The following CHL1 variants were observed in gnomAD, a reference collection of about 807,000 sequenced individuals.
CHL1 encodes cell adhesion molecule L1 like.
Under a neutral mutation model 141.9 loss-of-function variants are expected in CHL1, and 96 were observed. That is an observed-to-expected ratio of 0.68 (90% CI 0.57 to 0.80). CHL1 has a LOEUF of 0.80. Among genes scored for constraint, CHL1 ranks in the 30% least tolerant of loss-of-function variants. CHL1 has a pLI of 0.00. For synonymous variants in CHL1, 613 were observed against 502.2 expected (o/e 1.22, Z -2.95); for missense variants, 1,820 against 1,457.2 (o/e 1.25, Z -4.05).
intron 2 of CHL1, among the ~76,000 whole-genome samples, chr3:318,229 C>T (rs139574437): frequency 4.3e-4 from 66 of 151,894 alleles, no homozygotes; most frequent in Non-Finnish European, 8.1e-4. Flanking sequence ...TTTTACCAAT[C>T]GGTACATATA....
intron 2 of CHL1, among the ~76,000 whole-genome samples, chr3:286,617 A>AAG (rs1475452958): frequency 1.3e-5 from 2 of 151,758 alleles, no homozygotes; most frequent in Non-Finnish European, 2.9e-5. Context: ...TCTCAAAAAA[A>AAG]AAAAAAAAAA....
intron 26 of CHL1, 68 bp downstream of exon 26, chr3:399,216 A>T (rs1337625880): frequency 7.3e-7 from 1 of 1,373,844 alleles, no homozygotes; most frequent in Non-Finnish European, 1.0e-6. Context: ...TTCTTCAGAG[A>T]CAACTTTTTT....
At chr3:214,071 T>C (rs1700109218) in intron 1 of CHL1, among the ~76,000 whole-genome samples, 1 of 152,202 alleles carries the variant, frequency 6.6e-6, no homozygotes, top group Admixed American at 6.5e-5. Flanking sequence ...CTTAATCGCT[T>C]CACAGAAAGA....
intron 3 of CHL1, among the ~76,000 whole-genome samples, chr3:322,707 G>C (rs1430172492): frequency 2.1e-5 from 3 of 143,686 alleles, no homozygotes; most frequent in Non-Finnish European, 4.5e-5. Context: ...AGCTGGGTGT[G>C]GTGGCTTATA....
intron 2 of CHL1, among the ~76,000 whole-genome samples, chr3:267,915 T>C (rs565649734): frequency 3.7e-4 from 57 of 152,348 alleles, no homozygotes; most frequent in African/African-American, 1.3e-3. Context: ...TGCCTTGATA[T>C]CGTCATTTTT....
intron 2 of CHL1, among the ~76,000 whole-genome samples, chr3:310,066 GA>G (rs1175431951): frequency 6.6e-6 from 1 of 151,908 alleles, no homozygotes; most frequent in Admixed American, 6.6e-5. Flanking sequence ...ATATATATGT[GA>G]AAAAAATAAA....
chr3:372,384 C>T (rs966877400), intron 15 of CHL1, among the ~76,000 whole-genome samples: 1 of 152,084 alleles, frequency 6.6e-6, no homozygotes, highest in Non-Finnish European at 1.5e-5. Context: ...GTCCTTTCTT[C>T]CACTTGGTAG....
intron 5 of CHL1, among the ~76,000 whole-genome samples, chr3:329,775 A>C (rs1701296567): frequency 6.6e-6 from 1 of 152,030 alleles, no homozygotes; most frequent in African/African-American, 2.4e-5. Flanking sequence ...TATCCCAGAC[A>C]AATGCTTTCC....
At chr3:368,296 G>A (rs1475337021) in intron 15 of CHL1, among the ~76,000 whole-genome samples, 1 of 152,126 alleles carries the variant, frequency 6.6e-6, no homozygotes, top group Non-Finnish European at 1.5e-5. Context: ...CATTCTGACT[G>A]GCATGAGATG....
chr3:389,364 G>A lies in CHL1; in HGVS notation c.2360G>A (p.Arg787Gln), dbSNP rs754401983. ...EEETVTNHTL[R>Q]VMTPAVYAPY... is the part of the protein sequence containing the mutation. ...GAAACAGTCACAAACCACACATTGC[G>A]GGTGATGACGCCTGCTGTCTATGCC... Residue 787 changes from arginine to glutamine, a missense_variant, in exon 20 of 28, where the codon CGG (arginine) becomes CAG (glutamine). Coordinates refer to ENST00000256509, the MANE Select transcript of CHL1 (RefSeq NM_006614.4). The A allele has an allele frequency of 5.0e-6, 8 of 1,614,020 alleles. No homozygotes were observed. The highest frequency in any genetic ancestry group is 3.4e-6 in the Non-Finnish European group (4 of 1,180,022).
intron 2 of CHL1, among the ~76,000 whole-genome samples, chr3:307,225 T>C (rs1699316618): frequency 6.6e-6 from 1 of 152,192 alleles, no homozygotes; most frequent in Admixed American, 6.5e-5. Context: ...GCAAGGACAG[T>C]CTTAGGATGA....
chr3:307,606 G>C (rs1028101539), intron 2 of CHL1, among the ~76,000 whole-genome samples: 2 of 152,088 alleles, frequency 1.3e-5, no homozygotes, highest in African/African-American at 4.8e-5. Context: ...TTCACTCAAG[G>C]ATGCTTGTGT....
Position 341,914 on chromosome 3 carries a change from T to G in CHL1, c.511T>G (p.Leu171Val). Residue 171 changes from leucine (L) to valine (V), a missense_variant and splice_region_variant, in exon 7 of 28, where the codon TTA becomes GTA. Transcript: ENST00000256509. ...AATGGCAAGATATCTCTTTTCAGAA[T>G]TAGAACACATCGAACAAGATGAAAG... is the stretch of plus-strand genomic sequence containing the variant. Reference protein sequence around the residue: ...PLHIYWMNIELEHIEQDERVY... With the variant: ...PLHIYWMNIEVEHIEQDERVY... The G allele has an allele frequency of 6.2e-7, 1 of 1,600,702 alleles. No homozygotes were observed. Among genetic ancestry groups the G allele is most frequent in the Non-Finnish European group, 8.5e-7 (1 of 1,170,086 alleles).
chr3:355,712 C>T (rs1703653201), intron 11 of CHL1, among the ~76,000 whole-genome samples: 1 of 151,978 alleles, frequency 6.6e-6, no homozygotes, highest in African/African-American at 2.4e-5. Context: ...CTGAATCTCC[C>T]CAAGCTTACG....
intron 15 of CHL1, among the ~76,000 whole-genome samples, chr3:371,363 C>T (rs1171698886): frequency 6.6e-6 from 1 of 151,912 alleles, no homozygotes; most frequent in African/African-American, 2.4e-5. Flanking sequence ...TATGTAATGC[C>T]CTTCTTTGTC....
chr3:363,221 A>G lies in CHL1; in HGVS notation c.1423A>G (p.Lys475Glu). 1 of 1,608,102 alleles carries G rather than the reference A, an allele frequency of 6.2e-7. No individual in the cohort carries two copies. Among genetic ancestry groups the G allele is most frequent in the Non-Finnish European group, 8.5e-7 (1 of 1,178,056 alleles). The change falls in exon 14 of 28, where the codon AAG becomes GAG. Residue 475 changes from lysine (K) to glutamate (E), a missense_variant. Coordinates refer to ENST00000256509, the MANE Select transcript of CHL1 (RefSeq NM_006614.4). ...ASPEAVVSWQ[K>E]VEEVKPLEGR... is the part of the protein sequence containing the mutation. The stretch of plus-strand genomic sequence containing the variant: ...GTACGCTTTCTTTGTCCATAGGCAG[A>G]AGGTGGAAGAAGTGAAACCCCTGGA...
intron 19 of CHL1, among the ~76,000 whole-genome samples, chr3:387,227 A>G (rs753492405): frequency 2.0e-4 from 31 of 152,246 alleles, no homozygotes; most frequent in Non-Finnish European, 4.1e-4. Context: ...CAGATCCTCT[A>G]AAGGATACAC....
chr3:332,157 A>G (rs1701491939), intron 5 of CHL1, among the ~76,000 whole-genome samples: 1 of 152,186 alleles, frequency 6.6e-6, no homozygotes, highest in Non-Finnish European at 1.5e-5. Flanking sequence ...TGCTGGAAAA[A>G]ATACAGCAGT....
At position 342,091 on chromosome 3, in the gene CHL1, A is replaced by G; in HGVS notation, c.679+9A>G. 1 of 1,598,432 alleles carries G rather than the reference A, an allele frequency of 6.3e-7. No homozygotes were observed. The highest frequency in any genetic ancestry group is 8.6e-7 in the Non-Finnish European group (1 of 1,167,988). ...ACTAACAGTTAACAGTTGTAAGTCC[A>G]CATAATTTATCGTTTCATCATGTAT... On this transcript the variant is annotated intron_variant, in intron 7 of 27. Coordinates refer to ENST00000256509, the MANE Select transcript of CHL1 (RefSeq NM_006614.4).
Sources: allele counts gnomAD v4.1 joint callset (sites outside exome capture counted in the v4.1 genomes callset), GRCh38; gene constraint gnomAD v4.1.1; transcripts MANE v1.5; gene names NCBI Gene and HGNC (gene_info 2026-07-23, HGNC 2026-07-21).